Variants in ATRN observed in about 807,000 individuals in gnomAD.
ATRN encodes attractin-2.
ATRN carries 54 observed loss-of-function variants against 178.7 expected under a neutral mutation model. The observed-to-expected ratio is 0.30, with a 90% CI of 0.24 to 0.38. ATRN has a LOEUF of 0.38. Among genes scored for constraint, ATRN ranks in the 10% least tolerant of loss-of-function variants. The pLI is 1.00. For missense variants in ATRN, 1,443 were observed against 1,815.1 expected (o/e 0.79, Z 3.73); for synonymous variants, 636 against 663.0 (o/e 0.96, Z 0.63).
chr20:3,575,987 A>G (rs1367728554), intron 13 of ATRN, 39 bp downstream of exon 13: 13 of 1,606,738 alleles, frequency 8.1e-6, no homozygotes, highest in East Asian at 4.5e-5. Context: ...AAAAATCCCA[A>G]TTTGTCATAG....
At chr20:3,560,027 T>A (rs1272119054) in intron 7 of ATRN, among the ~76,000 whole-genome samples, 1 of 152,182 alleles carries the variant, frequency 6.6e-6, no homozygotes, top group Non-Finnish European at 1.5e-5. Flanking sequence ...CTTAAAATTT[T>A]TTTTAATTTA....
chr20:3,546,444 T>C (rs1292332960), intron 4 of ATRN, among the ~76,000 whole-genome samples: 5 of 141,804 alleles, frequency 3.5e-5, no homozygotes, highest in African/African-American at 1.3e-4. Context: ...TGGGCTGGAG[T>C]GCAGTGGCAT....
At position 3,578,767 on chromosome 20, in the gene ATRN, A is replaced by G. The variant is rs755351419; in HGVS notation, c.2539A>G (p.Ser847Gly). 3 of 1,608,840 alleles carry G rather than the reference A, an allele frequency of 1.9e-6. No individual in the cohort carries two copies. Among genetic ancestry groups the G allele is most frequent in the African/African-American group, 1.3e-5 (1 of 74,688 alleles). ...GCTGCGAATAATGCAGTCATCTCAG[A>G]GCATGGTGAGTTAAAATCCTCAAAA... ...KQLRIMQSSQ[S>G]MSKLTLTPWV... is the part of the protein sequence containing the mutation. The change falls in exon 15 of 29, where the codon AGC (serine) becomes GGC (glycine). Residue 847 changes from serine (S) to glycine (G), a missense_variant. Physicochemically the swap from Ser to Gly is moderately conservative, Grantham distance 56. Coordinates refer to ENST00000262919, the MANE Select transcript of ATRN (RefSeq NM_139321.3).
intron 17 of ATRN, 26 bp from the exon 18 acceptor site, chr20:3,584,621 C>A: frequency 6.5e-7 from 1 of 1,546,098 alleles, no homozygotes; most frequent in Non-Finnish European, 8.9e-7. Context: ...CTGTGATAGT[C>A]AATTGCAACT....
chr20:3,611,338 TAAAC>T (rs957270587), intron 24 of ATRN, among the ~76,000 whole-genome samples: 6 of 152,066 alleles, frequency 3.9e-5, no homozygotes, highest in Admixed American at 3.9e-4. Flanking sequence ...AACTCAACAG[TAAAC>T]AAACGAACAA....
rs2146221328 is a variant in ATRN, at chr20:3,560,913, T to A, written c.1447+8T>A. 3.1e-6 allele frequency: 5 copies of A among 1,611,960 alleles called. No homozygotes were observed. In the South Asian group the frequency reaches 5.5e-5, roughly 18 times the overall value. ...TGCAGGAATATGATTTGGGTAGGTA[T>A]ATTTTTTCCAGTAGATGCCTTTTGA... On this transcript the variant is annotated splice_region_variant and intron_variant, in intron 8 of 28. Transcript: ENST00000262919.
chr20:3,588,279 G>A (rs2086386485), intron 18 of ATRN, among the ~76,000 whole-genome samples: 1 of 152,024 alleles, frequency 6.6e-6, no homozygotes, highest in African/African-American at 2.4e-5. Context: ...TTTTTTAGGG[G>A]AAAATAATTC....
In ATRN at chr20:3,545,792, T is replaced by C. The variant is rs775831224; in HGVS notation, c.639T>C (p.Asn213=). ...SGLIVPERDG[N]ETVPEVVATS... Reference sequence around the variant, plus strand: ...TCATTGTTCCTGAGAGAGATGGCAATGAGACTGTCCCTGAGGTTGTTGCCA... The same window carrying C: ...TCATTGTTCCTGAGAGAGATGGCAACGAGACTGTCCCTGAGGTTGTTGCCA... The change falls in exon 4 of 29, where the codon AAT becomes AAC. Residue 213 remains asparagine, a synonymous_variant. Transcript: ENST00000262919. 9 of 1,614,100 alleles carry C rather than the reference T, an allele frequency of 5.6e-6. No individual in the cohort carries two copies. The South Asian group carries it at 8.8e-5, about 16-fold the overall frequency.
intron 1 of ATRN, among the ~76,000 whole-genome samples, chr20:3,485,193 A>G (rs192729365): frequency 8.5e-5 from 13 of 152,202 alleles, no homozygotes; most frequent in Admixed American, 1.3e-4. Flanking sequence ...ATATCTATGA[A>G]TCCTTCCTAA....
chr20:3,520,645 C>T (rs1174344346), intron 1 of ATRN, among the ~76,000 whole-genome samples: 1 of 152,004 alleles, frequency 6.6e-6, no homozygotes, highest in Non-Finnish European at 1.5e-5. Flanking sequence ...TAGGAGTGTG[C>T]CACCATGCCC....
At chr20:3,559,209 C>T (rs1441585710) in intron 6 of ATRN, among the ~76,000 whole-genome samples, 184 bp from the exon 7 acceptor site, 1 of 152,202 alleles carries the variant, frequency 6.6e-6, no homozygotes, top group African/African-American at 2.4e-5. Context: ...TCCAGCTCCT[C>T]TTCCTGAGTT....
At chr20:3,490,591 C>T (rs1386891759) in intron 1 of ATRN, 17 of 1,055,004 alleles carry the variant, frequency 1.6e-5, no homozygotes, top group Middle Eastern at 2.9e-4. Context: ...GTAACAGTCA[C>T]GGAGATCGAG....
intron 25 of ATRN, among the ~76,000 whole-genome samples, chr20:3,626,354 C>T (rs1198628408): frequency 9.9e-5 from 15 of 151,854 alleles, no homozygotes; most frequent in Admixed American, 9.8e-4. Context: ...AAGGCTAGTG[C>T]TGTTATAATT....
intron 1 of ATRN, among the ~76,000 whole-genome samples, chr20:3,491,772 C>T (rs1249105428): frequency 6.8e-6 from 1 of 147,202 alleles, no homozygotes; most frequent in Non-Finnish European, 1.5e-5. Flanking sequence ...GTTCAACCCC[C>T]AAAACTTATC....
In ATRN at chr20:3,609,755, A is replaced by T. The variant is rs611074; in HGVS notation, c.3801+5493A>T. ...GTGTGTGTGTGTGTGTGTGTGTATA[A>T]AATAAAATGTTATTCAGCATTAAAA... On this transcript the variant is annotated intron_variant, in intron 24 of 28. Transcript: ENST00000262919. Among the ~76,000 whole-genome samples the T allele has an allele frequency of 1.9e-3, 214 of 111,976 alleles. No homozygotes were observed. In the Middle Eastern group the frequency reaches 0.02, roughly 11 times the overall value. The allele number at this position is 111,976 out of a possible 152,430, so 73.5% of individuals were successfully genotyped here. A position where few individuals can be genotyped will look rare whatever the true frequency, so the allele number is the denominator to read the frequency against.
chr20:3,629,324 C>T, intron 25 of ATRN: 13 of 983,916 alleles, frequency 1.3e-5, no homozygotes, highest in Non-Finnish European at 1.6e-5. Context: ...CCATATTCAG[C>T]TTGCACTCTT....
intron 1 of ATRN, among the ~76,000 whole-genome samples, chr20:3,500,332 G>C (rs1002407542): frequency 1.3e-4 from 20 of 152,220 alleles, no homozygotes; most frequent in African/African-American, 4.6e-4. Flanking sequence ...TCCCATTACT[G>C]GGTATATACC....
intron 25 of ATRN, among the ~76,000 whole-genome samples, chr20:3,628,529 G>A (rs75351465): frequency 5.9e-5 from 9 of 152,202 alleles, no homozygotes; most frequent in Non-Finnish European, 1.2e-4. Context: ...ATCCTGCTTC[G>A]TCCCACCTGG....
intron 3 of ATRN, among the ~76,000 whole-genome samples, chr20:3,541,312 C>T (rs1040890389): frequency 7.2e-5 from 11 of 152,036 alleles, no homozygotes; most frequent in African/African-American, 1.9e-4. Context: ...CTCCTGACCT[C>T]GTGATCCGCC....
Sources: gnomAD v4.1 joint callset for allele counts (sites outside exome capture counted in the v4.1 genomes callset) on GRCh38, gnomAD v4.1.1 for gene constraint, MANE v1.5 for transcripts, NCBI Gene and HGNC (gene_info 2026-07-23, HGNC 2026-07-21) for gene names.